The following EYS variants were observed in gnomAD, a reference collection of about 807,000 sequenced individuals.
The protein encoded by EYS is EGF-like photoreceptor maintenance factor.
In EYS, 250 loss-of-function variants were observed where a neutral mutation model predicts 282.1. That is an observed-to-expected ratio of 0.89 (90% confidence interval 0.80 to 0.98). EYS has a LOEUF of 0.98. Among genes scored for constraint, EYS ranks in the 50% least tolerant of loss-of-function variants. EYS has a pLI of 0.00. For synonymous variants in EYS, 1,355 were observed against 1,282.9 expected (o/e 1.06, Z -1.20); for missense variants, 4,016 against 3,709.0 (o/e 1.08, Z -2.15).
intron 28 of EYS, among the ~76,000 whole-genome samples, chr6:64,433,240 A>G (rs2150461348): frequency 6.6e-6 from 1 of 152,108 alleles, no homozygotes. Context: ...ATTCATATTC[A>G]AGAAGAAAGC....
In EYS at chr6:64,250,955, T is replaced by TTTTCTACAAATACAA. The variant is rs1767190823; in HGVS notation, c.6192-20132_6192-20131insTTGTATTTGTAGAAA. ...TTTTCTACAAATACACTAGATAATA[T>TTTTCTACAAATACAA]GAGGAAACACGTAAGTAGATCAAAA... On this transcript the variant is annotated intron_variant, in intron 30 of 42. Coordinates refer to ENST00000503581, the MANE Select transcript of EYS (RefSeq NM_001142800.2). Among the ~76,000 whole-genome samples, 12 of 152,284 alleles carry TTTTCTACAAATACAA rather than the reference T, an allele frequency of 7.9e-5. No individual in the cohort carries two copies. In the South Asian group the frequency reaches 2.5e-3, roughly 32 times the overall value.
At chr6:64,001,489 T>G (rs961915774) in intron 33 of EYS, among the ~76,000 whole-genome samples, 68 of 152,172 alleles carry the variant, frequency 4.5e-4, no homozygotes, top group African/African-American at 1.6e-3. Context: ...GCACTTTAGA[T>G]TTATAATTTT....
chr6:65,527,819 A>G (rs1421126094), intron 2 of EYS, among the ~76,000 whole-genome samples: 3 of 151,988 alleles, frequency 2.0e-5, no homozygotes, highest in South Asian at 2.1e-4. Context: ...CACACATGGG[A>G]CCTCCCTAAA....
intron 22 of EYS, among the ~76,000 whole-genome samples, chr6:64,654,091 T>C (rs1457254240): frequency 1.3e-5 from 2 of 152,198 alleles, no homozygotes; most frequent in Admixed American, 1.3e-4. Flanking sequence ...TGTTTTATAG[T>C]TTATGCATTA....
chr6:63,991,336 A>G (rs1158710049), intron 34 of EYS, among the ~76,000 whole-genome samples: 1 of 151,714 alleles, frequency 6.6e-6, no homozygotes, highest in Non-Finnish European at 1.5e-5. Context: ...AAAGGAAGAC[A>G]GAGGAAAGCA....
chr6:65,296,817 T>C (rs184382840), intron 11 of EYS, among the ~76,000 whole-genome samples: 2 of 151,942 alleles, frequency 1.3e-5, no homozygotes, highest in Admixed American at 6.6e-5. Flanking sequence ...CATAGTTTTC[T>C]TGTAAGTGAA....
At chr6:65,190,308 TC>T (rs1056295028) in intron 12 of EYS, among the ~76,000 whole-genome samples, 1 of 148,152 alleles carries the variant, frequency 6.7e-6, no homozygotes, top group Non-Finnish European at 1.5e-5. Flanking sequence ...TAAATATATT[TC>T]CTATAAAATA....
chr6:64,035,056 CAT>C (rs1407634918), intron 33 of EYS, among the ~76,000 whole-genome samples: 1 of 152,156 alleles, frequency 6.6e-6, no homozygotes, highest in African/African-American at 2.4e-5. Context: ...AGGCTACTGA[CAT>C]GTAGCATAGA....
chr6:65,672,837 G>A (rs1349000359), intron 1 of EYS, among the ~76,000 whole-genome samples: 8 of 152,098 alleles, frequency 5.3e-5, no homozygotes, highest in African/African-American at 9.7e-5. Flanking sequence ...AATCACCTGG[G>A]TGCAGGCGGG....
chr6:64,785,690 T>C (rs1429581539), intron 22 of EYS, among the ~76,000 whole-genome samples: 1 of 152,194 alleles, frequency 6.6e-6, no homozygotes, highest in East Asian at 1.9e-4. Flanking sequence ...TAGCTACCAG[T>C]ATAGCCAAAA....
intron 1 of EYS, among the ~76,000 whole-genome samples, chr6:65,699,461 T>C (rs1769575971): frequency 6.6e-6 from 1 of 152,116 alleles, no homozygotes; most frequent in Admixed American, 6.6e-5. Context: ...CAGACCTTGC[T>C]TTGAACAAGT....
chr6:65,046,254 A>G (rs1020212448), intron 13 of EYS, among the ~76,000 whole-genome samples: 2 of 151,906 alleles, frequency 1.3e-5, no homozygotes, highest in African/African-American at 4.8e-5. Flanking sequence ...ACTGGACTTC[A>G]ATAGTGCCTA....
intron 40 of EYS, among the ~76,000 whole-genome samples, chr6:63,763,277 C>A (rs1218931913): frequency 6.6e-6 from 1 of 152,050 alleles, no homozygotes; most frequent in African/African-American, 2.4e-5. Context: ...CTGAAAGAGA[C>A]ACCTTGTCTG....
At chr6:64,406,779 G>A (rs753198033) in intron 28 of EYS, among the ~76,000 whole-genome samples, 8 of 152,152 alleles carry the variant, frequency 5.3e-5, no homozygotes, top group South Asian at 2.1e-4. Context: ...AGTTAGAATG[G>A]CAATCATTAA....
intron 12 of EYS, among the ~76,000 whole-genome samples, chr6:65,176,800 G>C (rs970206702): frequency 5.3e-5 from 8 of 151,508 alleles, no homozygotes; most frequent in Admixed American, 2.0e-4. Context: ...TACCTAAATG[G>C]TGGGTAACAT....
At chr6:64,828,185 A>G (rs1242793075) in intron 19 of EYS, among the ~76,000 whole-genome samples, 1 of 151,938 alleles carries the variant, frequency 6.6e-6, no homozygotes, top group Non-Finnish European at 1.5e-5. Context: ...GAAGATAAGC[A>G]AGTATAAATT....
intron 2 of EYS, among the ~76,000 whole-genome samples, chr6:65,527,039 C>A (rs777430999): frequency 1.3e-4 from 20 of 152,140 alleles, no homozygotes; most frequent in Non-Finnish European, 2.8e-4. Context: ...GCAATTTTCT[C>A]CTTCTCATCA....
chr6:64,181,458 A>T (rs1263662838), intron 31 of EYS, among the ~76,000 whole-genome samples: 1 of 152,096 alleles, frequency 6.6e-6, no homozygotes. Context: ...CAAAGTCCAA[A>T]ATTTTCTATT....
In EYS at chr6:63,789,046, A is replaced by G; in HGVS notation, c.7578+12T>C. The G allele has an allele frequency of 6.4e-7, 1 of 1,550,450 alleles. No individual in the cohort carries two copies. Among genetic ancestry groups the G allele is most frequent in the Non-Finnish European group, 8.7e-7 (1 of 1,146,124 alleles). On this transcript the variant is annotated intron_variant, in intron 38 of 42. Coordinates refer to ENST00000503581, the MANE Select transcript of EYS (RefSeq NM_001142800.2). The stretch of plus-strand genomic sequence containing the variant: ...CTCAGTTTGTGGAAGTGACGAAGGA[A>G]TGACTCTTTACCTTCAGCCAGCCCT...
Sources: allele counts gnomAD v4.1 joint callset (sites outside exome capture counted in the v4.1 genomes callset), GRCh38; gene constraint gnomAD v4.1.1; transcripts MANE v1.5; gene names NCBI Gene and HGNC (gene_info 2026-07-23, HGNC 2026-07-21).